The following RBM33 variants were observed in gnomAD, a reference collection of about 807,000 sequenced individuals.
RBM33 encodes RNA-binding protein 33.
RBM33 carries 28 observed loss-of-function variants against 132.6 expected under a neutral mutation model. That is an observed-to-expected ratio of 0.21 (90% CI 0.16 to 0.29). RBM33 has a LOEUF of 0.29. Among genes scored for constraint, RBM33 ranks in the 10% least tolerant of loss-of-function variants. RBM33 has a pLI of 1.00. For missense variants in RBM33, 1,291 were observed against 1,518.5 expected, an observed-to-expected ratio of 0.85 and a Z score of 2.49; for synonymous variants, 634 against 593.0, an observed-to-expected ratio of 1.07 and a Z score of -1.01.
chr7:155,769,987 A>C (rs79211150), intron 16 of RBM33, among the ~76,000 whole-genome samples: 1 of 152,198 alleles, frequency 6.6e-6, no homozygotes, highest in African/African-American at 2.4e-5. Flanking sequence ...GTGTGAGAAC[A>C]CAGAGCTTGT....
Position 155,777,422 on chromosome 7 carries a change from T to C in RBM33, c.*2381T>C, listed in dbSNP as rs1466824669. The stretch of plus-strand genomic sequence containing the variant: ...ACTCAATACCCACAACCATCGAAAA[T>C]GGATTCTTAGTACCAGACAATCCCA... On this transcript the variant is annotated 3_prime_UTR_variant, in exon 18 of 18. Transcript: ENST00000401878. The C allele has an allele frequency of 6.6e-6, 1 of 152,176 alleles. No homozygotes were observed. The highest frequency in any genetic ancestry group is 1.5e-5 in the Non-Finnish European group (1 of 68,012). 9.4% of individuals were successfully genotyped at this position (152,176 alleles called of 1,614,324 possible).
At chr7:155,770,119 C>T (rs577947214) in intron 16 of RBM33, among the ~76,000 whole-genome samples, 3 of 152,254 alleles carry the variant, frequency 2.0e-5, no homozygotes, top group Admixed American at 6.5e-5. Flanking sequence ...GCAACGCGCC[C>T]GGGATGTGCA....
At chr7:155,717,893 T>A (rs1371555813) in intron 8 of RBM33, among the ~76,000 whole-genome samples, 1 of 152,234 alleles carries the variant, frequency 6.6e-6, no homozygotes, top group Non-Finnish European at 1.5e-5. Context: ...TTTAACAGTT[T>A]GTGAGCATTT....
At chr7:155,756,163 A>G (rs995807271) in intron 14 of RBM33, among the ~76,000 whole-genome samples, 9 of 152,252 alleles carry the variant, frequency 5.9e-5, no homozygotes, top group African/African-American at 1.9e-4. Flanking sequence ...CCCACATACA[A>G]CACTTATATG....
At chr7:155,718,237 A>G (rs1800521638) in intron 8 of RBM33, 148 bp from the exon 9 acceptor site, 1 of 534,010 alleles carries the variant, frequency 1.9e-6, no homozygotes, top group Non-Finnish European at 3.3e-6. Flanking sequence ...ATTGTTAAAA[A>G]TACTAAATGC....
intron 5 of RBM33, chr7:155,685,152 C>G (rs1799440924): frequency 1.6e-6 from 2 of 1,218,600 alleles, no homozygotes; most frequent in Admixed American, 2.4e-5. Context: ...CGATACGTAT[C>G]TTTGAACTGT....
At chr7:155,752,977 G>A (rs749597939) in intron 14 of RBM33, among the ~76,000 whole-genome samples, 5 of 151,950 alleles carry the variant, frequency 3.3e-5, no homozygotes, top group Non-Finnish European at 7.4e-5. Flanking sequence ...GTCTTTTTTT[G>A]TGTGTCCAGG....
chr7:155,714,064 C>T lies in RBM33; in HGVS notation c.1201+2609C>T, dbSNP rs944510634. Among the ~76,000 whole-genome samples, 8 of 152,110 alleles carry T rather than the reference C, an allele frequency of 5.3e-5. 1 individual carries two copies. The South Asian group carries it at 8.3e-4, about 16-fold the overall frequency. The stretch of plus-strand genomic sequence containing the variant: ...GGAGAGGCGCTTTGGAGCATCCGTT[C>T]GTGCTTTCGAAGAGTGGATGTGCGC... On this transcript the variant is annotated intron_variant, in intron 8 of 17. Transcript: ENST00000401878.
intron 8 of RBM33, among the ~76,000 whole-genome samples, chr7:155,712,537 A>G (rs2116979710): frequency 6.6e-6 from 1 of 152,338 alleles, no homozygotes; most frequent in East Asian, 1.9e-4. Context: ...GAAATTGAGC[A>G]GGATGCGGGG....
chr7:155,726,361 GT>G (rs766851424), intron 9 of RBM33, among the ~76,000 whole-genome samples: 62 of 144,478 alleles, frequency 4.3e-4, no homozygotes, highest in African/African-American at 7.0e-4. Flanking sequence ...GTTTTTCATC[GT>G]TTTTTTTTTT....
In RBM33 at chr7:155,745,844, C is replaced by T; in HGVS notation, c.2979+242C>T. On this transcript the variant is annotated intron_variant, in intron 14 of 17. Coordinates refer to ENST00000401878, the MANE Select transcript of RBM33 (RefSeq NM_053043.3). This position sits in a 1 kb window ranked among gnomAD's most constrained non-coding sequence, Gnocchi z 4.1. Reference sequence around the variant, plus strand: ...ACGTGCTAGAATGTACTTCCATACACAGACGGTACAGCCTGCTGCACACCT... The same window carrying T: ...ACGTGCTAGAATGTACTTCCATACATAGACGGTACAGCCTGCTGCACACCT... 1.9e-6 allele frequency: 1 copy of T among 520,748 alleles called. No individual in the cohort carries two copies. The allele number at this position is 520,748 out of a possible 1,614,324, so 32.3% of individuals were successfully genotyped here.
chr7:155,673,765 C>T (rs1169169210), intron 3 of RBM33, among the ~76,000 whole-genome samples: 1 of 75,588 alleles, frequency 1.3e-5, no homozygotes. Flanking sequence ...CGCGCGCATG[C>T]GCGCACACAC....
intron 9 of RBM33, among the ~76,000 whole-genome samples, chr7:155,729,909 G>C (rs536632285): frequency 1.3e-5 from 2 of 152,078 alleles, no homozygotes; most frequent in Non-Finnish European, 2.9e-5. Context: ...TTCACTGCCC[G>C]AGGTCTAGGT....
intron 16 of RBM33, among the ~76,000 whole-genome samples, chr7:155,773,615 C>T (rs549875415): frequency 1.9e-3 from 267 of 141,350 alleles, no homozygotes; most frequent in Non-Finnish European, 2.7e-3. Context: ...GGCTCCTGTG[C>T]GTGCTCCAGA....
intron 9 of RBM33, among the ~76,000 whole-genome samples, chr7:155,731,870 A>G (rs2117013939): frequency 6.6e-6 from 1 of 152,344 alleles, no homozygotes; most frequent in Admixed American, 6.5e-5. Context: ...GGAGTTTTTC[A>G]GTTCTAAGCC....
At chr7:155,712,243 G>A (rs1800326572) in intron 8 of RBM33, among the ~76,000 whole-genome samples, 2 of 152,170 alleles carry the variant, frequency 1.3e-5, no homozygotes, top group Non-Finnish European at 2.9e-5. Context: ...TCTTTTAGTT[G>A]TTGTAATCAA....
intron 9 of RBM33, among the ~76,000 whole-genome samples, 177 bp from the exon 10 acceptor site, chr7:155,737,353 C>CTG (rs59512454): frequency 0.073 from 10,386 of 142,842 alleles, 412 homozygotes; most frequent in South Asian, 0.099. Context: ...ATGCATGACT[C>CTG]TGTGTGTGTG....
intron 16 of RBM33, among the ~76,000 whole-genome samples, chr7:155,771,305 G>A (rs1048048794): frequency 2.6e-5 from 4 of 152,236 alleles, no homozygotes; most frequent in South Asian, 2.1e-4. Flanking sequence ...AATAAATCAC[G>A]AATACTTGTC....
chr7:155,733,850 C>A (rs1801030599), intron 9 of RBM33, among the ~76,000 whole-genome samples: 1 of 152,238 alleles, frequency 6.6e-6, no homozygotes. Context: ...CCAACTCTAA[C>A]CCATGCTGAG....
Sources: gnomAD v4.1 joint callset for allele counts (sites outside exome capture counted in the v4.1 genomes callset) on GRCh38, gnomAD v4.1.1 for gene constraint, Gnocchi (gnomAD v3.1) non-coding constraint, MANE v1.5 for transcripts, NCBI Gene and HGNC (gene_info 2026-07-23, HGNC 2026-07-21) for gene names.